The following INPP5B variants were observed in gnomAD, a reference collection of about 807,000 sequenced individuals.
The protein encoded by INPP5B is inositol polyphosphate-5-phosphatase B.
A neutral mutation model predicts 118.5 loss-of-function variants in INPP5B; 90 were observed. The ratio of observed to expected loss-of-function variants is 0.76; its 90% CI spans 0.64 to 0.90. INPP5B has a LOEUF of 0.90. Among genes scored for constraint, INPP5B ranks in the 40% least tolerant of loss-of-function variants. The probability of loss-of-function intolerance (pLI) is 0.00; values close to 1 mark genes in which losing one functional copy is unlikely to be tolerated. For missense variants in INPP5B, 984 were observed against 1,125.6 expected, an observed-to-expected ratio of 0.87 and a Z score of 1.80; for synonymous variants, 385 against 418.9, an observed-to-expected ratio of 0.92 and a Z score of 0.99.
intron 19 of INPP5B, chr1:37,870,066 G>A (rs1008563578): frequency 2.7e-5 from 4 of 150,656 alleles, no homozygotes; most frequent in Non-Finnish European, 3.0e-5. Flanking sequence ...TTGACCTACC[G>A]ATGATGATTT....
At chr1:37,887,026 T>C (rs770437594) in intron 11 of INPP5B, 22 bp from the exon 12 acceptor site, 10 of 1,601,118 alleles carry the variant, frequency 6.2e-6, no homozygotes, top group Non-Finnish European at 8.6e-6. Context: ...AGACATGGCA[T>C]TAAATAGAAA....
chr1:37,877,376 A>G (rs1413337408), intron 16 of INPP5B, among the ~76,000 whole-genome samples: 1 of 152,078 alleles, frequency 6.6e-6, no homozygotes, highest in Non-Finnish European at 1.5e-5. Flanking sequence ...GAAGAAAAAG[A>G]TGCTGATCTC....
At chr1:37,899,000 G>A (rs1644228717) in intron 7 of INPP5B, among the ~76,000 whole-genome samples, 1 of 151,862 alleles carries the variant, frequency 6.6e-6, no homozygotes, top group African/African-American at 2.4e-5. Context: ...TGACCAACAT[G>A]GAGAAACCCC....
chr1:37,897,315 T>G (rs1449264118), intron 7 of INPP5B, among the ~76,000 whole-genome samples: 2 of 147,768 alleles, frequency 1.4e-5, no homozygotes, highest in Non-Finnish European at 3.0e-5. Context: ...GGGAAAAGAT[T>G]GAGAAATCGG....
chr1:37,863,559 A>G (rs889232206), intron 23 of INPP5B, among the ~76,000 whole-genome samples: 2 of 151,004 alleles, frequency 1.3e-5, no homozygotes, highest in Non-Finnish European at 3.0e-5. Context: ...CATAGTGGCA[A>G]GCGCCTATAA....
At chr1:37,883,937 G>A (rs1417484807) in intron 13 of INPP5B, 1 of 734,604 alleles carries the variant, frequency 1.4e-6, no homozygotes, top group Non-Finnish European at 1.7e-6. Context: ...AGACAAAGAG[G>A]AAGTTGTAGA....
rs1643646818 is a variant in INPP5B, at chr1:37,888,190, C to T, written c.899+53G>A. On this transcript the variant is annotated intron_variant, in intron 10 of 23. Coordinates refer to ENST00000373024, the MANE Select transcript of INPP5B (RefSeq NM_005540.3). ...CCTGTTGTGAAGACCCATCCTTCAA[C>T]CACAGCTCTGTGTGCTTGAAGATGG... 6.0e-6 allele frequency: 7 copies of T among 1,168,302 alleles called. No individual in the cohort carries two copies. In the Admixed American group the frequency reaches 1.4e-4, roughly 24 times the overall value. The allele number at this position is 1,168,302 out of a possible 1,614,324, so 72.4% of individuals were successfully genotyped here. A position where few individuals can be genotyped will look rare whatever the true frequency, so the allele number is the denominator to read the frequency against.
chr1:37,896,536 C>A (rs1157580077), intron 7 of INPP5B, among the ~76,000 whole-genome samples: 1 of 147,208 alleles, frequency 6.8e-6, no homozygotes, highest in African/African-American at 2.5e-5. Flanking sequence ...TCTGCCCGGC[C>A]GCCCCTACTG....
intron 7 of INPP5B, among the ~76,000 whole-genome samples, chr1:37,896,427 G>A (rs1429965534): frequency 2.0e-5 from 3 of 150,896 alleles, no homozygotes; most frequent in African/African-American, 4.9e-5. Context: ...GAGGTGGGGG[G>A]GTCAGCCCCC....
intron 15 of INPP5B, among the ~76,000 whole-genome samples, chr1:37,878,896 C>T (rs984894716): frequency 7.9e-5 from 12 of 151,132 alleles, no homozygotes; most frequent in African/African-American, 2.7e-4. Flanking sequence ...GCAATCTGCC[C>T]GCCTCGGCCT....
At chr1:37,941,831 G>T (rs1257095250) in intron 5 of INPP5B, among the ~76,000 whole-genome samples, 1 of 134,888 alleles carries the variant, frequency 7.4e-6, no homozygotes, top group Non-Finnish European at 1.6e-5. Flanking sequence ...CCAGCTACTC[G>T]GGAGGCTGAG....
At chr1:37,899,765 AG>A (rs1644260450) in intron 7 of INPP5B, among the ~76,000 whole-genome samples, 1 of 150,900 alleles carries the variant, frequency 6.6e-6, no homozygotes, top group Non-Finnish European at 1.5e-5. Flanking sequence ...CCCAGGCTGA[AG>A]TGCAGCGGCA....
intron 14 of INPP5B, 33 bp downstream of exon 14, chr1:37,882,774 C>T: frequency 1.3e-6 from 2 of 1,531,470 alleles, no homozygotes; most frequent in Non-Finnish European, 1.8e-6. Flanking sequence ...TGGAGGACAG[C>T]TGCTGGAAGA....
rs1006474537 is a variant in INPP5B at position 37,879,107 on chromosome 1, A to G, written c.1542-784T>C. Among the ~76,000 whole-genome samples the G allele has an allele frequency of 2.0e-5, 3 of 151,886 alleles. No homozygotes were observed. The South Asian group carries it at 6.2e-4, about 31-fold the overall frequency. On this transcript the variant is annotated intron_variant, in intron 15 of 23. Transcript: ENST00000373024. Reference sequence around the variant, plus strand: ...GCCAACATGGTGAAACCCCGTCTCTACTAAAAATACAAAAATTAGCTGGGC... The same window carrying G: ...GCCAACATGGTGAAACCCCGTCTCTGCTAAAAATACAAAAATTAGCTGGGC...
chr1:37,928,834 G>A (rs1645340570), intron 7 of INPP5B: 1 of 152,118 alleles, frequency 6.6e-6, no homozygotes, highest in African/African-American at 2.4e-5. Context: ...GGTTTCTCTA[G>A]GCTATCAAGT....
chr1:37,887,020 A>G lies in INPP5B; in HGVS notation c.1015-16T>C. 6.2e-7 allele frequency: 1 copy of G among 1,602,098 alleles called. No homozygotes were observed. The highest frequency in any genetic ancestry group is 8.5e-7 in the Non-Finnish European group (1 of 1,169,684). On this transcript the variant is annotated splice_polypyrimidine_tract_variant and intron_variant, in intron 11 of 23. Coordinates refer to ENST00000373024, the MANE Select transcript of INPP5B (RefSeq NM_005540.3). The stretch of plus-strand genomic sequence containing the variant: ...TAAGCTTCACCTGGAAAAGAGAGAC[A>G]TGGCATTAAATAGAAATTGCAAACA...
chr1:37,865,366 G>T (rs1235562257), intron 22 of INPP5B, among the ~76,000 whole-genome samples: 2 of 152,214 alleles, frequency 1.3e-5, no homozygotes, highest in Non-Finnish European at 2.9e-5. Context: ...TATAGTTTTT[G>T]ACCAACAGTC....
At chr1:37,864,266 T>C in intron 23 of INPP5B, 46 bp downstream of exon 23, 1 of 1,042,660 alleles carries the variant, frequency 9.6e-7, no homozygotes, top group Non-Finnish European at 1.5e-6. Context: ...TCATTACGAG[T>C]CTCTCAGTTT....
intron 7 of INPP5B, chr1:37,931,683 G>A (rs1039247508): frequency 8.5e-5 from 129 of 1,525,602 alleles, no homozygotes; most frequent in Non-Finnish European, 1.1e-4. Flanking sequence ...CTGCAGTGTT[G>A]CGCTCCCGAG....
Sources: gnomAD v4.1 joint callset for allele counts (sites outside exome capture counted in the v4.1 genomes callset) on GRCh38, gnomAD v4.1.1 for gene constraint, MANE v1.5 for transcripts, NCBI Gene and HGNC (gene_info 2026-07-23, HGNC 2026-07-21) for gene names.